PDE4D: variants seen among roughly 807,000 people sequenced by gnomAD.
PDE4D encodes the protein 3',5'-cyclic-AMP phosphodiesterase 4D.
PDE4D carries 24 observed loss-of-function variants against 87.4 expected under a neutral mutation model. That is an observed-to-expected ratio of 0.27 (90% CI 0.20 to 0.39). The LOEUF is 0.39. Ranked by LOEUF, PDE4D falls within the 10% of genes least tolerant of loss-of-function variation. The pLI is 1.00. For synonymous variants in PDE4D, 384 were observed against 383.2 expected (o/e 1.00, Z -0.02); for missense variants, 714 against 1,041.0 (o/e 0.69, Z 4.32).
chr5:59,968,872 T>C (rs781031766), intron 3 of PDE4D, among the ~76,000 whole-genome samples: 1 of 152,056 alleles, frequency 6.6e-6, no homozygotes, highest in Non-Finnish European at 1.5e-5. Context: ...GTGTTTAGCA[T>C]AAGGTCTGGC....
chr5:59,603,287 A>G (rs190153098), intron 1 of PDE4D, among the ~76,000 whole-genome samples: 6 of 152,054 alleles, frequency 3.9e-5, no homozygotes, highest in Admixed American at 6.6e-5. Flanking sequence ...AATATAAGAA[A>G]CTCAAACAAC....
chr5:59,372,752 C>T lies in PDE4D; in HGVS notation c.456-156784G>A, dbSNP rs201352457. On this transcript the variant is annotated intron_variant, in intron 1 of 14. Transcript: ENST00000340635. ...CCTCTGCCACTCTGGTGAACATCTGCAAGGAGGCAGGCACCCCCACACCCA... is the reference window on the plus strand; with the variant it reads ...CCTCTGCCACTCTGGTGAACATCTGTAAGGAGGCAGGCACCCCCACACCCA... Among the ~76,000 whole-genome samples the T allele has an allele frequency of 3.3e-5, 5 of 152,204 alleles. No homozygotes were observed. In the East Asian group the frequency reaches 9.6e-4, roughly 29 times the overall value.
intron 1 of PDE4D, among the ~76,000 whole-genome samples, chr5:59,656,926 T>C (rs189525290): frequency 3.6e-4 from 55 of 152,320 alleles, no homozygotes; most frequent in African/African-American, 1.3e-3. Context: ...TTAACTTTTT[T>C]TCTAATTTGT....
Position 60,448,021 on chromosome 5 carries a change from A to G in PDE4D, c.-90+39921T>C, listed in dbSNP as rs564296352. 2.7e-5 allele frequency among the ~76,000 whole-genome samples: 4 copies of G among 150,812 alleles called. No individual in the cohort carries two copies. The South Asian group carries it at 6.2e-4, about 23-fold the overall frequency. ...CTTATTATCATTCATCTGTAATCTC[A>G]CTCATAAAACTTGCTTGAATCTATT... On this transcript the variant is annotated intron_variant, in intron 1 of 16. Transcript: ENST00000502484.
rs1367857779 is a variant in PDE4D, at chr5:59,970,511, G to GA, written c.272+17976dup. 3.3e-5 allele frequency among the ~76,000 whole-genome samples: 5 copies of GA among 152,030 alleles called. No individual in the cohort carries two copies. The East Asian group carries it at 9.7e-4, about 29-fold the overall frequency. On this transcript the variant is annotated intron_variant, in intron 3 of 16. Transcript: ENST00000502484. ...ACAATGAACTTAAACAAATTTACAA[G>GA]AAAAAAACAAACAACCCCATCAAAA...
At chr5:59,411,929 C>T (rs1792756701) in intron 1 of PDE4D, among the ~76,000 whole-genome samples, 1 of 152,174 alleles carries the variant, frequency 6.6e-6, no homozygotes. Context: ...TGAAATAGCA[C>T]TCTTTTCATT....
intron 1 of PDE4D, among the ~76,000 whole-genome samples, chr5:59,495,900 G>A (rs755899613): frequency 2.0e-5 from 3 of 152,134 alleles, no homozygotes; most frequent in Non-Finnish European, 2.9e-5. Context: ...CAGTGGGCAT[G>A]TGCTACCATG....
intron 1 of PDE4D, among the ~76,000 whole-genome samples, chr5:59,256,054 T>C (rs1760909408): frequency 6.6e-6 from 1 of 151,912 alleles, no homozygotes; most frequent in African/African-American, 2.4e-5. Flanking sequence ...GTACATAGAG[T>C]AAATGTTAAA....
chr5:60,203,161 G>A (rs749775751), intron 1 of PDE4D, among the ~76,000 whole-genome samples: 18 of 152,050 alleles, frequency 1.2e-4, no homozygotes, highest in South Asian at 2.1e-4. Context: ...TAGTAGAGAC[G>A]GGTTTCATCA....
At chr5:59,672,265 A>G (rs1747341796) in intron 1 of PDE4D, among the ~76,000 whole-genome samples, 1 of 152,174 alleles carries the variant, frequency 6.6e-6, no homozygotes, top group Non-Finnish European at 1.5e-5. Context: ...AAGTTGGAGA[A>G]AGTGAAGAGA....
At chr5:59,316,887 T>C (rs1186606060) in intron 1 of PDE4D, among the ~76,000 whole-genome samples, 2 of 152,098 alleles carry the variant, frequency 1.3e-5, no homozygotes, top group Non-Finnish European at 2.9e-5. Flanking sequence ...GGTGGAGAAA[T>C]GAGAAATTCT....
intron 1 of PDE4D, among the ~76,000 whole-genome samples, chr5:60,437,103 C>A (rs1235460925): frequency 6.6e-6 from 1 of 152,024 alleles, no homozygotes; most frequent in African/African-American, 2.4e-5. Flanking sequence ...CACATCATTT[C>A]CTCATCTTCA....
intron 2 of PDE4D, among the ~76,000 whole-genome samples, chr5:60,171,517 C>A (rs1783427335): frequency 6.6e-6 from 1 of 152,048 alleles, no homozygotes; most frequent in Non-Finnish European, 1.5e-5. Context: ...GAAGGGTTAA[C>A]ACATCCAAGG....
intron 1 of PDE4D, among the ~76,000 whole-genome samples, chr5:59,611,184 C>A (rs116028953): frequency 3.5e-3 from 531 of 152,266 alleles, no homozygotes; most frequent in African/African-American, 0.012. Flanking sequence ...AAGGCATCAG[C>A]AGATTGGATA....
chr5:59,942,970 A>G (rs778292978), intron 3 of PDE4D, among the ~76,000 whole-genome samples: 2 of 152,114 alleles, frequency 1.3e-5, no homozygotes, highest in Non-Finnish European at 2.9e-5. Flanking sequence ...ATGCTGCTAA[A>G]TATCCCAAAA....
chr5:60,437,700 G>T (rs1744868434), intron 1 of PDE4D, among the ~76,000 whole-genome samples: 2 of 152,010 alleles, frequency 1.3e-5, no homozygotes, highest in South Asian at 4.2e-4. Context: ...TGTAAATTGA[G>T]GATATTCTTT....
At chr5:59,430,247 A>C (rs1462245480) in intron 1 of PDE4D, 3 of 1,230,092 alleles carry the variant, frequency 2.4e-6, no homozygotes, top group Admixed American at 4.2e-5. Context: ...AAGGGCAACA[A>C]AACACATTTT....
At chr5:59,159,324 G>C (rs922530215) in intron 5 of PDE4D, among the ~76,000 whole-genome samples, 2 of 151,220 alleles carry the variant, frequency 1.3e-5, no homozygotes, top group Non-Finnish European at 2.9e-5. Context: ...GTAGAGAAAA[G>C]GTTTCATCAT....
intron 5 of PDE4D, among the ~76,000 whole-genome samples, chr5:59,059,847 T>C (rs1487128791): frequency 6.6e-6 from 1 of 152,178 alleles, no homozygotes; most frequent in Non-Finnish European, 1.5e-5. Flanking sequence ...GTATGCAGGA[T>C]TATTAATAGG....
Sources: gnomAD v4.1 joint callset for allele counts (sites outside exome capture counted in the v4.1 genomes callset) on GRCh38, gnomAD v4.1.1 for gene constraint, MANE v1.5 for transcripts, NCBI Gene and HGNC (gene_info 2026-07-23, HGNC 2026-07-21) for gene names.